Variants in CEP70 observed in about 807,000 individuals in gnomAD.
CEP70 encodes the protein centrosomal protein of 70 kDa.
Under a neutral mutation model 90.9 loss-of-function variants are expected in CEP70, and 70 were observed. That is an observed-to-expected ratio of 0.77 (90% confidence interval 0.64 to 0.94). The LOEUF (loss-of-function observed/expected upper bound fraction) is 0.94, where lower values mean the gene tolerates loss of function less well. CEP70 is among the 40% of genes least tolerant of loss of function. The probability of loss-of-function intolerance (pLI) is 0.00; values close to 1 mark genes in which losing one functional copy is unlikely to be tolerated. For missense variants in CEP70, 648 were observed against 669.0 expected (o/e 0.97, Z 0.35); for synonymous variants, 220 against 228.3 (o/e 0.96, Z 0.33).
intron 6 of CEP70, among the ~76,000 whole-genome samples, chr3:138,551,472 GCA>G (rs1291568012): frequency 1.3e-5 from 2 of 152,124 alleles, no homozygotes; most frequent in African/African-American, 2.4e-5. Flanking sequence ...CTGGCTGGGT[GCA>G]GTGGTTCATG....
At chr3:138,554,656 C>G (rs1165218897) in intron 6 of CEP70, among the ~76,000 whole-genome samples, 1 of 152,190 alleles carries the variant, frequency 6.6e-6, no homozygotes, top group Non-Finnish European at 1.5e-5. Flanking sequence ...AAATCAGTAT[C>G]TCTGCTATAC....
intron 12 of CEP70, among the ~76,000 whole-genome samples, chr3:138,506,452 C>A (rs1263119349): frequency 6.6e-6 from 1 of 152,122 alleles, no homozygotes; most frequent in Non-Finnish European, 1.5e-5. Flanking sequence ...TTCTACCTTA[C>A]ATATCATCCG....
chr3:138,579,806 G>A (rs1026256850), intron 2 of CEP70, among the ~76,000 whole-genome samples: 1 of 151,834 alleles, frequency 6.6e-6, no homozygotes, highest in African/African-American at 2.4e-5. Context: ...TGGTGGCTAT[G>A]AGGACAGACC....
intron 12 of CEP70, among the ~76,000 whole-genome samples, 194 bp downstream of exon 12, chr3:138,508,245 T>C (rs919345418): frequency 6.6e-6 from 1 of 152,214 alleles, no homozygotes; most frequent in Non-Finnish European, 1.5e-5. Context: ...GGCCAGAGTC[T>C]CTTTTAAGTA....
chr3:138,553,169 G>A (rs1014560057), intron 6 of CEP70, among the ~76,000 whole-genome samples: 3 of 151,726 alleles, frequency 2.0e-5, no homozygotes, highest in African/African-American at 7.3e-5. Flanking sequence ...CAGTGAGAAC[G>A]AAATACTGCC....
chr3:138,564,751 G>A (rs1488602271), intron 6 of CEP70, among the ~76,000 whole-genome samples: 2 of 152,088 alleles, frequency 1.3e-5, no homozygotes, highest in African/African-American at 2.4e-5. Context: ...TACTGAATGG[G>A]CAAAAACCAG....
chr3:138,532,692 A>C, intron 7 of CEP70, 122 bp from the exon 8 acceptor site: 1 of 911,892 alleles, frequency 1.1e-6, no homozygotes, highest in Non-Finnish European at 1.5e-6. Flanking sequence ...GCAGGCTTTA[A>C]AAAATTTAAG....
chr3:138,535,019 G>C (rs904918574), intron 7 of CEP70, among the ~76,000 whole-genome samples: 2 of 151,986 alleles, frequency 1.3e-5, no homozygotes, highest in Non-Finnish European at 2.9e-5. Flanking sequence ...TAATCTCCTT[G>C]CTCAGGAATC....
At chr3:138,505,980 C>T (rs956160214) in intron 12 of CEP70, among the ~76,000 whole-genome samples, 7 of 152,154 alleles carry the variant, frequency 4.6e-5, no homozygotes, top group African/African-American at 1.7e-4. Flanking sequence ...TCCTATGCCG[C>T]AGTAAAGTTG....
intron 2 of CEP70, among the ~76,000 whole-genome samples, chr3:138,585,681 C>A (rs1295821598): frequency 6.6e-6 from 1 of 152,110 alleles, no homozygotes; most frequent in African/African-American, 2.4e-5. Flanking sequence ...ACTACTGCCA[C>A]CAAAACAGAC....
At position 138,521,535 on chromosome 3, in the gene CEP70, C is replaced by T. The variant is rs190659159; in HGVS notation, c.944+3955G>A. ...GATGTGGGGAGCACCTATGCCCGGC[C>T]GCCCCATCTGGGATGTGAGGAGCGC... On this transcript the variant is annotated intron_variant, in intron 11 of 17. Transcript: ENST00000264982. 8.9e-4 allele frequency among the ~76,000 whole-genome samples: 135 copies of T among 151,898 alleles called. 3 individuals are homozygous for T. The East Asian group carries it at 0.022, about 25-fold the overall frequency.
At chr3:138,541,108 G>A (rs1463632967) in intron 6 of CEP70, among the ~76,000 whole-genome samples, 3 of 150,934 alleles carry the variant, frequency 2.0e-5, no homozygotes, top group Non-Finnish European at 2.9e-5. Flanking sequence ...AGGAAGAGAA[G>A]GAGAAAAGAT....
intron 11 of CEP70, among the ~76,000 whole-genome samples, chr3:138,510,733 G>A (rs1297471710): frequency 6.6e-6 from 1 of 152,144 alleles, no homozygotes; most frequent in East Asian, 1.9e-4. Context: ...CCTTGTCAGT[G>A]GGGGATACAT....
intron 6 of CEP70, among the ~76,000 whole-genome samples, chr3:138,563,329 T>G (rs1343901802): frequency 6.6e-6 from 1 of 152,186 alleles, no homozygotes; most frequent in African/African-American, 2.4e-5. Context: ...GGACTTGAAC[T>G]CAGCTCTGGA....
At chr3:138,589,882 A>G (rs2042294928) in intron 2 of CEP70, among the ~76,000 whole-genome samples, 2 of 152,208 alleles carry the variant, frequency 1.3e-5, no homozygotes, top group African/African-American at 4.8e-5. Flanking sequence ...AACTTTGATC[A>G]ATATATAAGA....
chr3:138,568,428 C>T (rs1438332820), intron 6 of CEP70, among the ~76,000 whole-genome samples: 1 of 152,040 alleles, frequency 6.6e-6, no homozygotes, highest in Non-Finnish European at 1.5e-5. Context: ...AAATAGATAT[C>T]TTCCCCCAAC....
At chr3:138,526,638 C>G (rs2037282492) in intron 10 of CEP70, among the ~76,000 whole-genome samples, 1 of 152,158 alleles carries the variant, frequency 6.6e-6, no homozygotes, top group Non-Finnish European at 1.5e-5. Context: ...TGTAGCTATG[C>G]TGGATATATC....
intron 3 of CEP70, among the ~76,000 whole-genome samples, chr3:138,572,046 G>A (rs1560439168): frequency 6.9e-6 from 1 of 144,528 alleles, no homozygotes; most frequent in South Asian, 2.3e-4. Context: ...CCAAAGTGCT[G>A]AGATTACAGG....
At chr3:138,507,559 C>G (rs1330032851) in intron 12 of CEP70, among the ~76,000 whole-genome samples, 2 of 151,986 alleles carry the variant, frequency 1.3e-5, no homozygotes, top group Non-Finnish European at 2.9e-5. Flanking sequence ...ATGCAACAGA[C>G]TAGAGAATCT....
Sources: gnomAD v4.1 joint callset for allele counts (sites outside exome capture counted in the v4.1 genomes callset) on GRCh38, gnomAD v4.1.1 for gene constraint, MANE v1.5 for transcripts, NCBI Gene and HGNC (gene_info 2026-07-23, HGNC 2026-07-21) for gene names.